CNTN3: variants seen among roughly 807,000 people sequenced by gnomAD.
The protein encoded by CNTN3 is contactin 3, also known as contactin-3.
CNTN3 carries 60 observed loss-of-function variants against 119.1 expected under a neutral mutation model. The observed-to-expected ratio is 0.50, with a 90% CI of 0.41 to 0.62. The LOEUF is 0.62. Ranked by LOEUF, CNTN3 falls within the 20% of genes least tolerant of loss-of-function variation. CNTN3 has a pLI of 0.00. For missense variants in CNTN3, 1,101 were observed against 1,242.4 expected, an observed-to-expected ratio of 0.89 and a Z score of 1.71; for synonymous variants, 450 against 438.7, an observed-to-expected ratio of 1.03 and a Z score of -0.32.
At chr3:74,372,656 T>C (rs1279359974) in intron 5 of CNTN3, among the ~76,000 whole-genome samples, 2 of 152,008 alleles carry the variant, frequency 1.3e-5, no homozygotes, top group African/African-American at 4.8e-5. Flanking sequence ...AGTTTAAATA[T>C]ATTTAAGAGA....
At chr3:74,521,679 GAAAGC>G (rs1703545678) in intron 1 of CNTN3, among the ~76,000 whole-genome samples, 4 of 151,792 alleles carry the variant, frequency 2.6e-5, no homozygotes, top group Non-Finnish European at 5.9e-5. Flanking sequence ...GAAAACTGCA[GAAAGC>G]TCCCAATTAT....
chr3:74,417,771 A>C (rs573155804), intron 5 of CNTN3, among the ~76,000 whole-genome samples: 2 of 152,322 alleles, frequency 1.3e-5, no homozygotes, highest in African/African-American at 4.8e-5. Flanking sequence ...TTATATGTCA[A>C]TTGATTCAGA....
At chr3:74,266,196 A>T (rs1044293818) in intron 22 of CNTN3, among the ~76,000 whole-genome samples, 1 of 152,176 alleles carries the variant, frequency 6.6e-6, no homozygotes, top group African/African-American at 2.4e-5. Flanking sequence ...AGGAGATCCA[A>T]AGGCAAATTT....
chr3:74,438,630 T>C (rs1158613570), intron 4 of CNTN3, among the ~76,000 whole-genome samples: 1 of 152,238 alleles, frequency 6.6e-6, no homozygotes, highest in African/African-American at 2.4e-5. Context: ...AGGAACACCA[T>C]AATTTCTCTT....
intron 5 of CNTN3, among the ~76,000 whole-genome samples, chr3:74,399,752 C>T (rs755009552): frequency 3.9e-5 from 6 of 152,182 alleles, no homozygotes; most frequent in African/African-American, 1.4e-4. Context: ...AGTAAGTACA[C>T]TGTTGGTGGG....
At chr3:74,514,413 T>A (rs1703418124) in intron 2 of CNTN3, among the ~76,000 whole-genome samples, 1 of 152,116 alleles carries the variant, frequency 6.6e-6, no homozygotes, top group Admixed American at 6.6e-5. Context: ...TTGTAGCCAT[T>A]ATTAGTTGGT....
intron 13 of CNTN3, among the ~76,000 whole-genome samples, chr3:74,318,506 G>C (rs944340388): frequency 6.6e-6 from 1 of 152,146 alleles, no homozygotes; most frequent in Non-Finnish European, 1.5e-5. Flanking sequence ...CACGTACAGA[G>C]GGGTTTTTGG....
Position 74,302,729 on chromosome 3 carries a change from C to G in CNTN3, c.1747G>C (p.Val583Leu). The change falls in exon 14 of 23, where the codon GTG becomes CTG. Residue 583 changes from valine (V) to leucine (L), a missense_variant. By Grantham distance (32) the Val-to-Leu change is conservative. Coordinates refer to ENST00000263665, the MANE Select transcript of CNTN3 (RefSeq NM_020872.3). ...TCAGCAGCAGATGAAACACTGTCCA[C>G]CCCCGTTTGCACCATACAAACATAT... Reference protein sequence around the residue: ...GKYVCMVQTGVDSVSSAADLI... With the variant: ...GKYVCMVQTGLDSVSSAADLI... 2 of 1,613,068 alleles carry G rather than the reference C, an allele frequency of 1.2e-6. No homozygotes were observed. Among genetic ancestry groups the G allele is most frequent in the Non-Finnish European group, 1.7e-6 (2 of 1,179,326 alleles).
At chr3:74,414,251 G>GA (rs963107345) in intron 5 of CNTN3, among the ~76,000 whole-genome samples, 92 of 152,142 alleles carry the variant, frequency 6.0e-4, no homozygotes, top group African/African-American at 2.0e-3. Context: ...AAAGTTCAGG[G>GA]AAAAAAATCT....
chr3:74,364,644 A>C, intron 9 of CNTN3, 48 bp from the exon 10 acceptor site: 1 of 1,498,532 alleles, frequency 6.7e-7, no homozygotes, highest in East Asian at 2.3e-5. Flanking sequence ...ATACCACTTT[A>C]GAATAAAAAT....
chr3:74,612,960 C>CT (rs1705107322), intron 1 of CNTN3, among the ~76,000 whole-genome samples: 1 of 152,182 alleles, frequency 6.6e-6, no homozygotes, highest in Admixed American at 6.5e-5. Context: ...CTGCAGTCAA[C>CT]TTTCTCCCTA....
At chr3:74,478,424 G>T (rs1702699939) in intron 4 of CNTN3, among the ~76,000 whole-genome samples, 1 of 152,104 alleles carries the variant, frequency 6.6e-6, no homozygotes, top group Non-Finnish European at 1.5e-5. Context: ...TGTCTGAACT[G>T]CAGGTGATGT....
At chr3:74,499,914 G>C (rs754020466) in intron 2 of CNTN3, 129 bp from the exon 3 acceptor site, 5 of 808,612 alleles carry the variant, frequency 6.2e-6, no homozygotes, top group Non-Finnish European at 9.1e-6. Context: ...AAAGCAAAAT[G>C]CTCTGTAGAC....
chr3:74,507,960 C>T (rs1324018061), intron 2 of CNTN3, among the ~76,000 whole-genome samples: 3 of 152,026 alleles, frequency 2.0e-5, no homozygotes, highest in Non-Finnish European at 2.9e-5. Context: ...AGTGAGGATC[C>T]TGATTTTATA....
chr3:74,350,510 G>T (rs923946793), intron 11 of CNTN3, among the ~76,000 whole-genome samples: 4 of 152,114 alleles, frequency 2.6e-5, no homozygotes, highest in Non-Finnish European at 5.9e-5. Context: ...AGAACAGCAT[G>T]GAGATTTTTC....
chr3:74,453,001 G>A (rs1346333474), intron 4 of CNTN3, among the ~76,000 whole-genome samples: 1 of 151,788 alleles, frequency 6.6e-6, no homozygotes, highest in East Asian at 2.0e-4. Context: ...TCTCTGCCCA[G>A]CTTTGGTATC....
intron 5 of CNTN3, among the ~76,000 whole-genome samples, chr3:74,419,506 C>A (rs1701584043): frequency 6.6e-6 from 1 of 152,216 alleles, no homozygotes; most frequent in African/African-American, 2.4e-5. Context: ...GCAATTTTTA[C>A]CATAATGTCA....
chr3:74,503,517 T>C (rs1347548632), intron 2 of CNTN3, among the ~76,000 whole-genome samples: 2 of 152,170 alleles, frequency 1.3e-5, no homozygotes, highest in Non-Finnish European at 2.9e-5. Flanking sequence ...TGAGAGATGC[T>C]GGGTTTCATG....
At chr3:74,495,779 G>A (rs1703050635) in intron 3 of CNTN3, among the ~76,000 whole-genome samples, 1 of 151,960 alleles carries the variant, frequency 6.6e-6, no homozygotes, top group Non-Finnish European at 1.5e-5. Flanking sequence ...GGCAACTGTG[G>A]CCAGGAAAGA....
Sources: allele counts gnomAD v4.1 joint callset (sites outside exome capture counted in the v4.1 genomes callset), GRCh38; gene constraint gnomAD v4.1.1; transcripts MANE v1.5; gene names NCBI Gene and HGNC (gene_info 2026-07-23, HGNC 2026-07-21).